Variants in BAIAP2 observed in about 807,000 individuals in gnomAD.
BAIAP2 encodes BAR/IMD domain containing adaptor protein 2, also known as BAR/IMD domain-containing adapter protein 2.
A neutral mutation model predicts 63.0 loss-of-function variants in BAIAP2; 18 were observed. The ratio of observed to expected loss-of-function variants is 0.29; its 90% confidence interval spans 0.20 to 0.42. The LOEUF is 0.42. Among genes scored for constraint, BAIAP2 ranks in the 10% least tolerant of loss-of-function variants. The probability of loss-of-function intolerance (pLI) is 1.00; values close to 1 mark genes in which losing one functional copy is unlikely to be tolerated. For synonymous variants in BAIAP2, 386 were observed against 307.6 expected, an observed-to-expected ratio of 1.25 and a Z score of -2.67; for missense variants, 610 against 734.3, an observed-to-expected ratio of 0.83 and a Z score of 1.96.
intron 3 of BAIAP2, among the ~76,000 whole-genome samples, chr17:81,067,786 G>A (rs2051777204): frequency 6.6e-6 from 1 of 152,256 alleles, no homozygotes; most frequent in Admixed American, 6.5e-5. Context: ...GCCTCAGCCG[G>A]CCAGAGCAGG....
intron 6 of BAIAP2, among the ~76,000 whole-genome samples, chr17:81,096,742 G>A (rs755836174): frequency 3.9e-5 from 6 of 152,246 alleles, no homozygotes; most frequent in Non-Finnish European, 5.9e-5. Context: ...AGTATGTGGC[G>A]TCCTGGCCAC....
chr17:81,115,510 C>T (rs573580892), intron 13 of BAIAP2, among the ~76,000 whole-genome samples: 16 of 152,206 alleles, frequency 1.1e-4, no homozygotes, highest in Non-Finnish European at 2.4e-4. Flanking sequence ...GCCCACACTG[C>T]TGGGAGGGTG....
Position 81,086,728 on chromosome 17 carries a change from C to T in BAIAP2, c.489+148C>T, listed in dbSNP as rs2055719721. ...GTGTGTCCCTGGTAGACCTCGGGAG[C>T]GGTGGGCCTGACGCCCCCAGGCCGG... On this transcript the variant is annotated intron_variant, in intron 6 of 13. Transcript: ENST00000428708. 8.6e-6 allele frequency: 8 copies of T among 926,138 alleles called. No individual in the cohort carries two copies. The Admixed American group carries it at 1.0e-4, about 12-fold the overall frequency. 57.4% of individuals were successfully genotyped at this position (926,138 alleles called of 1,614,324 possible). A position where few individuals can be genotyped will look rare whatever the true frequency, so the allele number is the denominator to read the frequency against.
Position 81,097,829 on chromosome 17 carries a change from G to T in BAIAP2, c.490-2099G>T, listed in dbSNP as rs1034531988. ...AGGAGGGGCCTGGGTGTGTCCCTGG[G>T]GACAGGGTCTGTGCCTCGGGTGCTC... On this transcript the variant is annotated intron_variant, in intron 6 of 13. Coordinates refer to ENST00000428708, the MANE Select transcript of BAIAP2 (RefSeq NM_001144888.2). The T allele has an allele frequency of 9.6e-6, 3 of 314,002 alleles. No individual in the cohort carries two copies. In the Admixed American group the frequency reaches 1.5e-4, roughly 16 times the overall value. 19.5% of individuals were successfully genotyped at this position (314,002 alleles called of 1,614,324 possible). A position where few individuals can be genotyped will look rare whatever the true frequency, so the allele number is the denominator to read the frequency against.
intron 1 of BAIAP2, chr17:81,036,809 A>G (rs28585511): frequency 1.4e-6 from 2 of 1,403,034 alleles, no homozygotes; most frequent in South Asian, 1.2e-5. Context: ...CAAGGGAGGG[A>G]GGTTTATTAA....
chr17:81,062,238 A>G (rs572429538), intron 3 of BAIAP2, among the ~76,000 whole-genome samples: 2 of 152,134 alleles, frequency 1.3e-5, no homozygotes, highest in East Asian at 1.9e-4. Flanking sequence ...GGCATGAGCC[A>G]TCGCACCCAG....
At chr17:81,070,348 C>T (rs895179773) in intron 3 of BAIAP2, among the ~76,000 whole-genome samples, 7 of 152,196 alleles carry the variant, frequency 4.6e-5, no homozygotes, top group East Asian at 1.9e-4. Flanking sequence ...CCACACTGAG[C>T]GGACGTCCAG....
chr17:81,088,240 G>A (rs777402851), intron 6 of BAIAP2, among the ~76,000 whole-genome samples: 59 of 152,224 alleles, frequency 3.9e-4, no homozygotes, highest in South Asian at 1.0e-3. Context: ...GTCTTAAGGG[G>A]GACTTTCCTG....
At chr17:81,054,776 C>G (rs1348350004) in intron 2 of BAIAP2, among the ~76,000 whole-genome samples, 1 of 152,178 alleles carries the variant, frequency 6.6e-6, no homozygotes, top group Non-Finnish European at 1.5e-5. Context: ...TCGCCCCCAC[C>G]CCACCCAGGC....
At chr17:81,073,247 C>G (rs1192960593) in intron 3 of BAIAP2, among the ~76,000 whole-genome samples, 1 of 152,168 alleles carries the variant, frequency 6.6e-6, no homozygotes, top group Non-Finnish European at 1.5e-5. Flanking sequence ...TCCCAGCTTC[C>G]TGTGCAGTCT....
At chr17:81,078,721 G>A (rs1340011470) in intron 3 of BAIAP2, among the ~76,000 whole-genome samples, 1 of 151,810 alleles carries the variant, frequency 6.6e-6, no homozygotes, top group East Asian at 1.9e-4. Context: ...GTCATCTCGG[G>A]TGGGAGCTGG....
chr17:81,109,080 C>T (rs1598832090), intron 13 of BAIAP2: 5 of 1,501,490 alleles, frequency 3.3e-6, no homozygotes, highest in Middle Eastern at 1.7e-4. Context: ...CCTCAGCTCT[C>T]GCTGGTTTGT....
At chr17:81,038,953 C>T (rs2143397998) in intron 1 of BAIAP2, among the ~76,000 whole-genome samples, 2 of 152,324 alleles carry the variant, frequency 1.3e-5, no homozygotes, top group Middle Eastern at 3.4e-3. Context: ...CAGTGCTGGA[C>T]CCAGCTCCGT....
intron 2 of BAIAP2, 90 bp from the exon 3 acceptor site, chr17:81,057,791 G>T: frequency 8.0e-6 from 12 of 1,506,198 alleles, no homozygotes; most frequent in Non-Finnish European, 1.1e-5. Context: ...ACAGGGTTGG[G>T]CCTGTGCGTG....
rs2055321388 is a variant in BAIAP2, at chr17:81,084,990, A to G, written c.279+97A>G. 10 of 1,282,538 alleles carry G rather than the reference A, an allele frequency of 7.8e-6. 1 individual carries two copies. The highest frequency in any genetic ancestry group is 3.9e-4 in the Middle Eastern group (2 of 5,146). The allele number at this position is 1,282,538 out of a possible 1,614,324, so 79.4% of individuals were successfully genotyped here. A position where few individuals can be genotyped will look rare whatever the true frequency, so the allele number is the denominator to read the frequency against. On this transcript the variant is annotated intron_variant, in intron 4 of 13. Coordinates refer to ENST00000428708, the MANE Select transcript of BAIAP2 (RefSeq NM_001144888.2). ...CGTGTGTCCACTTGGGAACAGTCCC[A>G]GTTGTCCAGCCACACTCGGAGGCAG... is the stretch of plus-strand genomic sequence containing the variant.
intron 3 of BAIAP2, among the ~76,000 whole-genome samples, chr17:81,075,721 C>T (rs1415869961): frequency 2.6e-5 from 4 of 152,196 alleles, no homozygotes; most frequent in South Asian, 2.1e-4. Flanking sequence ...GTGCCCTTCT[C>T]CCCCAGGTAG....
intron 6 of BAIAP2, among the ~76,000 whole-genome samples, chr17:81,090,688 C>T (rs1430261284): frequency 6.6e-6 from 1 of 152,228 alleles, no homozygotes; most frequent in Non-Finnish European, 1.5e-5. Flanking sequence ...AGCCCCACAT[C>T]GGAGTTTGAG....
chr17:81,088,674 C>T (rs1490454737), intron 6 of BAIAP2, among the ~76,000 whole-genome samples: 4 of 152,194 alleles, frequency 2.6e-5, no homozygotes, highest in South Asian at 4.1e-4. Flanking sequence ...CCGTAGCCTG[C>T]GCCAGCCTCC....
chr17:81,093,944 A>ACCC (rs2057237791), intron 6 of BAIAP2, among the ~76,000 whole-genome samples: 2 of 87,862 alleles, frequency 2.3e-5, no homozygotes, highest in African/African-American at 8.8e-5. Flanking sequence ...CCCCCCCACC[A>ACCC]CCCCCGTGAG....
Sources: allele counts gnomAD v4.1 joint callset (sites outside exome capture counted in the v4.1 genomes callset), GRCh38; gene constraint gnomAD v4.1.1; transcripts MANE v1.5; gene names NCBI Gene and HGNC (gene_info 2026-07-23, HGNC 2026-07-21).